The following TMEM132E variants were observed in gnomAD, a reference collection of about 807,000 sequenced individuals.
TMEM132E encodes transmembrane protein 132E.
TMEM132E carries 49 observed loss-of-function variants against 78.5 expected under a neutral mutation model. That is an observed-to-expected ratio of 0.62 (90% confidence interval 0.50 to 0.79). The LOEUF is 0.79. Among genes scored for constraint, TMEM132E ranks in the 30% least tolerant of loss-of-function variants. TMEM132E has a pLI of 0.00. For missense variants in TMEM132E, 1,403 were observed against 1,470.9 expected (o/e 0.95, Z 0.75); for synonymous variants, 715 against 670.6 (o/e 1.07, Z -1.02).
intron 4 of TMEM132E, 134 bp downstream of exon 4, chr17:34,629,338 C>A: frequency 9.9e-7 from 1 of 1,008,798 alleles, no homozygotes; most frequent in Non-Finnish European, 1.4e-6. Context: ...CTGCCATGCC[C>A]AGGTATGCCT....
At chr17:34,634,235 C>T (rs914650076) in intron 6 of TMEM132E, among the ~76,000 whole-genome samples, 2 of 152,200 alleles carry the variant, frequency 1.3e-5, no homozygotes, top group African/African-American at 4.8e-5. Flanking sequence ...TCATCAAGTC[C>T]AGGTTCCCTT....
At position 34,587,319 on chromosome 17, in the gene TMEM132E, C is replaced by A. The variant is rs1905712737; in HGVS notation, c.67+6176C>A. On this transcript the variant is annotated intron_variant, in intron 1 of 8. Transcript: ENST00000631683. ...ACCCTTAAACAGAATTAGTCACAGT[C>A]ACAGAGCGGCAACCTCTCTCTTTTT... is the stretch of plus-strand genomic sequence containing the variant. Among the ~76,000 whole-genome samples the A allele has an allele frequency of 2.0e-5, 3 of 152,186 alleles. No homozygotes were observed. In the South Asian group the frequency reaches 6.2e-4, roughly 32 times the overall value.
In TMEM132E at chr17:34,580,252, T is replaced by A. The variant is rs1905416901; in HGVS notation, c.-825T>A. On this transcript the variant is annotated 5_prime_UTR_variant, in exon 1 of 9. The change abolishes an upstream ATG in the 5' untranslated region. Transcript: ENST00000631683. ...CTCGCTTCTCCAAGCCCCATCTACA[T>A]GGGGCAGCCCGTTCTGGCCGCGCCA... 6.6e-6 allele frequency: 1 copy of A among 152,220 alleles called. No homozygotes were observed. Among genetic ancestry groups the A allele is most frequent in the South Asian group, 2.1e-4 (1 of 4,834 alleles). 9.4% of individuals were successfully genotyped at this position (152,220 alleles called of 1,614,324 possible).
intron 1 of TMEM132E, among the ~76,000 whole-genome samples, chr17:34,585,167 G>A (rs1434697190): frequency 1.3e-5 from 2 of 152,230 alleles, no homozygotes; most frequent in Non-Finnish European, 2.9e-5. Flanking sequence ...AAGACCAGTA[G>A]GTGGGGATGT....
In TMEM132E at chr17:34,620,971, T is replaced by A. The variant is rs75102284; in HGVS notation, c.68-5156T>A. Among the ~76,000 whole-genome samples, 1,085 of 152,196 alleles carry A rather than the reference T, an allele frequency of 7.1e-3. 9 individuals are homozygous for A. The highest frequency in any genetic ancestry group is 0.025 in the African/African-American group (1,026 of 41,512). Reference sequence around the variant, plus strand: ...GTGAGAAGAACAGAGCTGGTCCAGCTCATATGGAAAGGGTCCCTCGCTAAG... The same window carrying A: ...GTGAGAAGAACAGAGCTGGTCCAGCACATATGGAAAGGGTCCCTCGCTAAG... On this transcript the variant is annotated intron_variant, in intron 1 of 8. Coordinates refer to ENST00000631683, the MANE Select transcript of TMEM132E (RefSeq NM_001304438.2).
intron 1 of TMEM132E, among the ~76,000 whole-genome samples, chr17:34,591,981 G>C (rs1356474699): frequency 6.6e-6 from 1 of 152,228 alleles, no homozygotes; most frequent in Non-Finnish European, 1.5e-5. Flanking sequence ...GTGCCTGCTG[G>C]AGGGGCTCGG....
At position 34,634,838 on chromosome 17, in the gene TMEM132E, G is replaced by A; in HGVS notation, c.1728G>A (p.Glu576=). Residue 576 remains glutamate (E), a synonymous_variant, in exon 7 of 9, where the codon GAG becomes GAA. Transcript: ENST00000631683. ...RESEDEDEEE[E]ERRQSASRGC... ...GCGAGGATGAGGATGAGGAGGAGGAGGAGCGGCGGCAGAGTGCAAGCCGTG... is the reference window on the plus strand; with the variant it reads ...GCGAGGATGAGGATGAGGAGGAGGAAGAGCGGCGGCAGAGTGCAAGCCGTG... The A allele has an allele frequency of 1.2e-6, 2 of 1,613,964 alleles. No individual in the cohort carries two copies. The highest frequency in any genetic ancestry group is 1.7e-6 in the Non-Finnish European group (2 of 1,179,986).
intron 1 of TMEM132E, among the ~76,000 whole-genome samples, chr17:34,596,046 T>TCACA (rs573248903): frequency 1.4e-5 from 1 of 71,410 alleles, no homozygotes; most frequent in Admixed American, 1.5e-4. Context: ...CGTCTCTCTG[T>TCACA]CACACACACA....
Position 34,584,841 on chromosome 17 carries a change from C to T in TMEM132E, c.67+3698C>T, listed in dbSNP as rs77041223. Reference sequence around the variant, plus strand: ...GGTGACATGTTATGACATGGTCTCACAGGATACAAATGTAGTGTCCAGGGT... The same window carrying T: ...GGTGACATGTTATGACATGGTCTCATAGGATACAAATGTAGTGTCCAGGGT... On this transcript the variant is annotated intron_variant, in intron 1 of 8. Transcript: ENST00000631683. Among the ~76,000 whole-genome samples the T allele has an allele frequency of 5.0e-3, 765 of 152,338 alleles. 10 individuals are homozygous for T. Among genetic ancestry groups the T allele is most frequent in the African/African-American group, 0.017 (716 of 41,580 alleles).
chr17:34,625,594 A>C (rs1319924224), intron 1 of TMEM132E, among the ~76,000 whole-genome samples: 19 of 149,256 alleles, frequency 1.3e-4, no homozygotes, highest in Non-Finnish European at 2.8e-4. Context: ...GCGTGGATGG[A>C]GATCATAATA....
chr17:34,601,746 G>A (rs1906247049), intron 1 of TMEM132E, among the ~76,000 whole-genome samples: 1 of 152,170 alleles, frequency 6.6e-6, no homozygotes, highest in Non-Finnish European at 1.5e-5. Flanking sequence ...GAAGAGGAAG[G>A]AGGCAGTCTC....
At chr17:34,586,038 C>A (rs1014705619) in intron 1 of TMEM132E, among the ~76,000 whole-genome samples, 1 of 152,164 alleles carries the variant, frequency 6.6e-6, no homozygotes, top group African/African-American at 2.4e-5. Context: ...GGGCGGTGCC[C>A]TCCAAGCCCC....
chr17:34,613,207 A>AAGCGCGCGCG (rs1906659396), intron 1 of TMEM132E, among the ~76,000 whole-genome samples: 1 of 82,918 alleles, frequency 1.2e-5, no homozygotes, highest in Non-Finnish European at 2.8e-5. Flanking sequence ...CCACACACAC[A>AAGCGCGCGCG]CACACGCGCG....
chr17:34,586,942 C>T (rs961382365), intron 1 of TMEM132E, among the ~76,000 whole-genome samples: 1 of 152,148 alleles, frequency 6.6e-6, no homozygotes, highest in African/African-American at 2.4e-5. Flanking sequence ...CTCACCCACA[C>T]TTTTTTTGGC....
intron 1 of TMEM132E, among the ~76,000 whole-genome samples, chr17:34,617,071 C>T (rs933390): frequency 0.63 from 96,399 of 152,106 alleles, 30,876 homozygotes; most frequent in East Asian, 0.89. Context: ...CAGGGCCCAC[C>T]GGGCCCAAGT....
rs566721428 is a variant in TMEM132E, at chr17:34,603,319, AC to A, written c.67+22181del. On this transcript the variant is annotated intron_variant, in intron 1 of 8. Coordinates refer to ENST00000631683, the MANE Select transcript of TMEM132E (RefSeq NM_001304438.2). ...GAGGGTAACAGACACAGACCCTCGG[AC>A]CCCCAGAAGGAACCTGAGGGAAGGG... 8.6e-5 allele frequency among the ~76,000 whole-genome samples: 13 copies of A among 151,918 alleles called. No individual in the cohort carries two copies. In the South Asian group the frequency reaches 2.5e-3, roughly 29 times the overall value.
chr17:34,614,019 C>A (rs1454385466), intron 1 of TMEM132E, among the ~76,000 whole-genome samples: 1 of 152,212 alleles, frequency 6.6e-6, no homozygotes, highest in African/African-American at 2.4e-5. Flanking sequence ...TTGTTCCCCC[C>A]TTCCCTCGTG....
Position 34,638,047 on chromosome 17 carries a change from A to G in TMEM132E, c.3040A>G (p.Lys1014Glu), listed in dbSNP as rs1346079825. 6.3e-7 allele frequency: 1 copy of G among 1,578,602 alleles called. No individual in the cohort carries two copies. Among genetic ancestry groups the G allele is most frequent in the Admixed American group, 1.8e-5 (1 of 54,322 alleles). ...GCCCACCTCCAAGCGCAAGCGGGTC[A>G]AGTTCACCACCTTCACCACGCTGCC... ...SSPTSKRKRV[K>E]FTTFTTLPSE... Residue 1014 changes from lysine to glutamate, a missense_variant, in exon 9 of 9, where the codon AAG becomes GAG. Lys to Glu is a moderately conservative substitution (Grantham distance 56, BLOSUM62 1). Around this residue, in one of 3 missense-constraint regions of TMEM132E, gnomAD observed 888 missense variants for 952.8 expected, o/e 0.93. Coordinates refer to ENST00000631683, the MANE Select transcript of TMEM132E (RefSeq NM_001304438.2).
chr17:34,635,227 G>A, intron 7 of TMEM132E, 140 bp downstream of exon 7: 1 of 1,027,374 alleles, frequency 9.7e-7, no homozygotes, highest in Non-Finnish European at 1.4e-6. Context: ...AAATTCCAAG[G>A]TCAGGCTCTT....
Sources: gnomAD v4.1 joint callset for allele counts (sites outside exome capture counted in the v4.1 genomes callset) on GRCh38, gnomAD v4.1.1 for gene constraint, gnomAD v4.1.1 regional missense constraint, MANE v1.5 for transcripts, NCBI Gene and HGNC (gene_info 2026-07-23, HGNC 2026-07-21) for gene names.